The following ARPP21 variants were observed in gnomAD, a reference collection of about 807,000 sequenced individuals.
ARPP21 encodes cAMP-regulated phosphoprotein 21.
A neutral mutation model predicts 113.2 loss-of-function variants in ARPP21; 69 were observed. The ratio of observed to expected loss-of-function variants is 0.61; its 90% confidence interval spans 0.50 to 0.74. ARPP21 has a LOEUF of 0.74. Among genes scored for constraint, ARPP21 ranks in the 30% least tolerant of loss-of-function variants. The pLI is 0.00. For missense variants in ARPP21, 1,070 were observed against 1,037.4 expected (o/e 1.03, Z -0.43); for synonymous variants, 368 against 375.5 (o/e 0.98, Z 0.23).
chr3:35,760,590 C>T (rs1021034584), intron 19 of ARPP21, among the ~76,000 whole-genome samples: 1 of 151,738 alleles, frequency 6.6e-6, no homozygotes, highest in South Asian at 2.1e-4. Flanking sequence ...CTTAAAAGAA[C>T]TTAAGATGAA....
intron 19 of ARPP21, chr3:35,784,948 C>T (rs1000258926): frequency 2.0e-5 from 3 of 151,932 alleles, no homozygotes; most frequent in South Asian, 2.1e-4. Context: ...ATCCTGTAGC[C>T]ATGCAACAGT....
chr3:35,766,756 G>T, intron 19 of ARPP21, among the ~76,000 whole-genome samples: 1 of 152,072 alleles, frequency 6.6e-6, no homozygotes, highest in East Asian at 1.9e-4. Flanking sequence ...TGCTTTCCAA[G>T]ACTTTTATTT....
At chr3:35,735,653 A>G (rs2094304913) in intron 15 of ARPP21, among the ~76,000 whole-genome samples, 1 of 152,212 alleles carries the variant, frequency 6.6e-6, no homozygotes, top group African/African-American at 2.4e-5. Context: ...TGCCAAGATA[A>G]GGAGGACTTT....
At chr3:35,681,996 G>A (rs2079048359) in intron 3 of ARPP21, 116 bp downstream of exon 3, 3 of 1,186,696 alleles carry the variant, frequency 2.5e-6, no homozygotes, top group Non-Finnish European at 3.4e-6. Context: ...TATATCATTA[G>A]GAAATGCTAG....
At chr3:35,768,068 C>T (rs1404972793) in intron 19 of ARPP21, among the ~76,000 whole-genome samples, 3 of 148,250 alleles carry the variant, frequency 2.0e-5, no homozygotes, top group African/African-American at 5.0e-5. Flanking sequence ...GCCCAGTGCC[C>T]CATGCTTTTC....
intron 12 of ARPP21, among the ~76,000 whole-genome samples, chr3:35,716,080 A>C (rs1206502071): frequency 6.6e-6 from 1 of 152,094 alleles, no homozygotes; most frequent in Non-Finnish European, 1.5e-5. Context: ...ATTTAAAGAA[A>C]ATCTTGGTGA....
At chr3:35,668,068 T>A (rs2075363091) in intron 1 of ARPP21, among the ~76,000 whole-genome samples, 1 of 151,114 alleles carries the variant, frequency 6.6e-6, no homozygotes, top group African/African-American at 2.4e-5. Context: ...ATAAAGTAAG[T>A]GAGAACACAA....
intron 14 of ARPP21, among the ~76,000 whole-genome samples, chr3:35,726,296 G>C (rs1963934): frequency 0.7 from 106,132 of 152,172 alleles, 37,288 homozygotes; most frequent in East Asian, 0.88. Flanking sequence ...TTGCCTTTTA[G>C]TAGCATTTGT....
intron 1 of ARPP21, among the ~76,000 whole-genome samples, chr3:35,679,018 A>C (rs1441647732): frequency 2.0e-5 from 3 of 151,966 alleles, no homozygotes; most frequent in African/African-American, 7.2e-5. Context: ...TGTGAGAAAG[A>C]GAAAGTGCAC....
chr3:35,744,761 C>T (rs929784751), intron 19 of ARPP21, among the ~76,000 whole-genome samples: 1 of 152,154 alleles, frequency 6.6e-6, no homozygotes, highest in Admixed American at 6.5e-5. Flanking sequence ...CTTGCTGCTA[C>T]TCATAGATGC....
At chr3:35,735,158 C>CA (rs1398296552) in intron 15 of ARPP21, among the ~76,000 whole-genome samples, 2 of 152,162 alleles carry the variant, frequency 1.3e-5, no homozygotes, top group African/African-American at 4.8e-5. Context: ...CTCACTCTGT[C>CA]ACCCAGGCTG....
chr3:35,710,222 G>T (rs960435292), intron 11 of ARPP21, among the ~76,000 whole-genome samples: 1 of 152,090 alleles, frequency 6.6e-6, no homozygotes, highest in Admixed American at 6.6e-5. Flanking sequence ...GAGGGAGATG[G>T]AAGTTACCAT....
intron 12 of ARPP21, 117 bp from the exon 13 acceptor site, chr3:35,717,181 T>C: frequency 1.7e-6 from 1 of 583,028 alleles, no homozygotes. Flanking sequence ...CAACATCATA[T>C]AAATAAAACT....
intron 1 of ARPP21, among the ~76,000 whole-genome samples, chr3:35,671,641 A>G (rs1397307426): frequency 6.6e-6 from 1 of 152,102 alleles, no homozygotes; most frequent in Non-Finnish European, 1.5e-5. Flanking sequence ...ACTTTGTAGT[A>G]GGAACACCGT....
At chr3:35,685,274 GGT>G in intron 5 of ARPP21, 2 of 985,260 alleles carry the variant, frequency 2.0e-6, no homozygotes, top group Non-Finnish European at 2.4e-6. Context: ...AGAGAAATAA[GGT>G]GTAAATGGTG....
At chr3:35,717,128 T>C (rs2092519173) in intron 12 of ARPP21, among the ~76,000 whole-genome samples, 170 bp from the exon 13 acceptor site, 1 of 152,016 alleles carries the variant, frequency 6.6e-6, no homozygotes, top group Non-Finnish European at 1.5e-5. Context: ...AGGGTAGAGA[T>C]CTTAATCCTA....
At chr3:35,667,966 G>GAAA (rs760653288) in intron 1 of ARPP21, among the ~76,000 whole-genome samples, 19 of 103,786 alleles carry the variant, frequency 1.8e-4, no homozygotes, top group African/African-American at 7.0e-4. Flanking sequence ...AGAAGAAGAA[G>GAAA]AAGAAGAAGA....
At chr3:35,713,794 A>G (rs1014124350) in intron 11 of ARPP21, among the ~76,000 whole-genome samples, 1 of 152,208 alleles carries the variant, frequency 6.6e-6, no homozygotes, top group Non-Finnish European at 1.5e-5. Flanking sequence ...TAAAGAGGTC[A>G]CTATGTCCTT....
rs1332027811 is a variant in ARPP21, at chr3:35,793,687, G to A, written c.2287-14G>A. On this transcript the variant is annotated splice_polypyrimidine_tract_variant and intron_variant, in intron 20 of 20. Coordinates refer to ENST00000684406, the MANE Select transcript of ARPP21 (RefSeq NM_001385562.1). ...GTCTCTTCATACAGGGTTCTTGCTT[G>A]TGTCTTTTTACAGGTGCCAATGACC... 1 of 1,607,826 alleles carries A rather than the reference G, an allele frequency of 6.2e-7. No homozygotes were observed. Among genetic ancestry groups the A allele is most frequent in the East Asian group, 2.2e-5 (1 of 44,866 alleles).
Sources: gnomAD v4.1 joint callset for allele counts (sites outside exome capture counted in the v4.1 genomes callset) on GRCh38, gnomAD v4.1.1 for gene constraint, MANE v1.5 for transcripts, NCBI Gene and HGNC (gene_info 2026-07-23, HGNC 2026-07-21) for gene names.